Variants in TOR1AIP1 observed in about 807,000 individuals in gnomAD.
TOR1AIP1 encodes torsin-1A-interacting protein 1.
A neutral mutation model predicts 63.3 loss-of-function variants in TOR1AIP1; 54 were observed. That is an observed-to-expected ratio of 0.85 (90% CI 0.69 to 1.07). The LOEUF (loss-of-function observed/expected upper bound fraction) is 1.07, where lower values mean the gene tolerates loss of function less well. Among genes scored for constraint, TOR1AIP1 ranks in the 50% least tolerant of loss-of-function variants. The pLI is 0.00. For missense variants in TOR1AIP1, 736 were observed against 715.0 expected, an observed-to-expected ratio of 1.03 and a Z score of -0.33; for synonymous variants, 294 against 273.5, an observed-to-expected ratio of 1.07 and a Z score of -0.74.
At position 179,882,858 on chromosome 1, in the gene TOR1AIP1, C is replaced by A; in HGVS notation, c.356C>A (p.Thr119Asn). ...CGGAGGCAGCCGCGACCCCAGGAAACCGAGGAAATGAAGACGCGAAGGACT... is the reference window on the plus strand; with the variant it reads ...CGGAGGCAGCCGCGACCCCAGGAAAACGAGGAAATGAAGACGCGAAGGACT... Reference protein sequence around the residue: ...RQRRQPRPQETEEMKTRRTTR... With the variant: ...RQRRQPRPQENEEMKTRRTTR... The change falls in exon 1 of 10, where the codon ACC becomes AAC. Residue 119 changes from threonine (T) to asparagine (N), a missense_variant. Thr to Asn is a moderately conservative substitution (Grantham distance 65). Around this residue, in one of 2 missense-constraint regions of TOR1AIP1, gnomAD observed 464 missense variants for 371.0 expected, o/e 1.25. Coordinates refer to ENST00000606911, the MANE Select transcript of TOR1AIP1 (RefSeq NM_015602.4). 1 of 1,614,220 alleles carries A rather than the reference C, an allele frequency of 6.2e-7. No homozygotes were observed. The highest frequency in any genetic ancestry group is 8.5e-7 in the Non-Finnish European group (1 of 1,180,030).
intron 3 of TOR1AIP1, among the ~76,000 whole-genome samples, chr1:179,899,332 C>G (rs1396607904): frequency 6.6e-6 from 1 of 150,618 alleles, no homozygotes; most frequent in South Asian, 2.1e-4. Context: ...ATGTGTTTTG[C>G]TTGTTTATTT....
At chr1:179,912,745 T>A (rs1290044475) in intron 8 of TOR1AIP1, among the ~76,000 whole-genome samples, 1 of 152,224 alleles carries the variant, frequency 6.6e-6, no homozygotes, top group East Asian at 1.9e-4. Context: ...GTATTCCTCT[T>A]ACAGTTGCTG....
chr1:179,883,102 C>A, intron 1 of TOR1AIP1, 125 bp downstream of exon 1: 1 of 889,398 alleles, frequency 1.1e-6, no homozygotes, highest in Admixed American at 2.6e-5. Flanking sequence ...GGGTATTCCT[C>A]AGCCCCCTCT....
chr1:179,907,635 A>G (rs1210105112), intron 6 of TOR1AIP1, among the ~76,000 whole-genome samples, 188 bp from the exon 7 acceptor site: 2 of 132,586 alleles, frequency 1.5e-5, no homozygotes, highest in African/African-American at 2.7e-5. Context: ...ATATGTATAT[A>G]TATAGTATAT....
intron 6 of TOR1AIP1, among the ~76,000 whole-genome samples, chr1:179,905,042 A>T (rs756685733): frequency 1.4e-4 from 21 of 152,318 alleles, no homozygotes; most frequent in South Asian, 4.1e-4. Flanking sequence ...AATCTTCAAG[A>T]ACTTTTTTTT....
In TOR1AIP1 at chr1:179,900,112, CT is replaced by C; in HGVS notation, c.611-8del. 6.3e-7 allele frequency: 1 copy of C among 1,599,306 alleles called. No individual in the cohort carries two copies. On this transcript the variant is annotated splice_polypyrimidine_tract_variant and intron_variant, in intron 3 of 9. Coordinates refer to ENST00000606911, the MANE Select transcript of TOR1AIP1 (RefSeq NM_015602.4). ...TTATATGTTTAATATTTGATGTATG[CT>C]TTTTTCTTCTAGAAGCCACCAGTGT... is the stretch of plus-strand genomic sequence containing the variant.
At chr1:179,903,373 T>C (rs889540871) in intron 5 of TOR1AIP1, among the ~76,000 whole-genome samples, 2 of 152,238 alleles carry the variant, frequency 1.3e-5, no homozygotes, top group Non-Finnish European at 2.9e-5. Flanking sequence ...TCCACTGTTG[T>C]AAACTTTGAA....
intron 3 of TOR1AIP1, among the ~76,000 whole-genome samples, chr1:179,889,736 T>C (rs1235061633): frequency 1.3e-5 from 2 of 151,830 alleles, no homozygotes; most frequent in Non-Finnish European, 2.9e-5. Flanking sequence ...CTGACTGCAG[T>C]CTCAATCTCT....
chr1:179,907,599 A>ATATATATATATATATATG (rs1648683308), intron 6 of TOR1AIP1, among the ~76,000 whole-genome samples: 1 of 21,900 alleles, frequency 4.6e-5, no homozygotes, highest in Non-Finnish European at 1.1e-4. Flanking sequence ...CACTTTATAT[A>ATATATATATATATATATG]TATATATATA....
intron 5 of TOR1AIP1, among the ~76,000 whole-genome samples, chr1:179,902,054 C>G (rs2148477376): frequency 8.1e-6 from 1 of 123,442 alleles, no homozygotes; most frequent in African/African-American, 3.1e-5. Context: ...AAGGCAGAGT[C>G]TCACTCTGTC....
At chr1:179,891,514 C>A (rs9726605) in intron 3 of TOR1AIP1, among the ~76,000 whole-genome samples, 18,977 of 152,056 alleles carry the variant, frequency 0.12, 1,226 homozygotes, top group Middle Eastern at 0.2. Flanking sequence ...TGAGCCACCA[C>A]GCCCGGCCTT....
In TOR1AIP1 at chr1:179,884,683, GT is replaced by G; in HGVS notation, c.476-3del. Reference sequence around the variant, plus strand: ...CTGAATTTTAACTCTTGTTATGTCTGTTTTTTAGAGGATGAAGCATCTTCCC... The same window carrying G: ...CTGAATTTTAACTCTTGTTATGTCTGTTTTTAGAGGATGAAGCATCTTCCC... On this transcript the variant is annotated splice_region_variant and splice_polypyrimidine_tract_variant and intron_variant, in intron 1 of 9. Coordinates refer to ENST00000606911, the MANE Select transcript of TOR1AIP1 (RefSeq NM_015602.4). The G allele has an allele frequency of 6.2e-7, 1 of 1,602,486 alleles. No individual in the cohort carries two copies. Among genetic ancestry groups the G allele is most frequent in the African/African-American group, 1.3e-5 (1 of 74,318 alleles).
intron 3 of TOR1AIP1, among the ~76,000 whole-genome samples, chr1:179,896,631 C>T (rs1033212069): frequency 1.3e-5 from 2 of 151,670 alleles, no homozygotes; most frequent in Non-Finnish European, 2.9e-5. Flanking sequence ...GAGGTTGAGG[C>T]GGTTTTATGA....
rs755843526 is a variant in TOR1AIP1, at chr1:179,918,160, A to T, written c.1673A>T (p.Asn558Ile). ...AATCATATGGACCCAGACAAACTGA[A>T]TGGCCTCTGGAGCCGTATTTCTCAC... ...SYNHMDPDKL[N>I]GLWSRISHLV... The change falls in exon 10 of 10, where the codon AAT becomes ATT. Residue 558 changes from asparagine (N) to isoleucine (I), a missense_variant. Transcript: ENST00000606911. The T allele has an allele frequency of 6.2e-7, 1 of 1,613,258 alleles. No homozygotes were observed. The highest frequency in any genetic ancestry group is 8.5e-7 in the Non-Finnish European group (1 of 1,180,034).
intron 3 of TOR1AIP1, among the ~76,000 whole-genome samples, chr1:179,896,207 T>A (rs979524971): frequency 6.6e-6 from 1 of 152,212 alleles, no homozygotes; most frequent in African/African-American, 2.4e-5. Context: ...TGAGAAATAT[T>A]AGCAAAAATC....
intron 9 of TOR1AIP1, among the ~76,000 whole-genome samples, chr1:179,916,469 T>C (rs538606485): frequency 1.7e-4 from 26 of 152,308 alleles, no homozygotes; most frequent in African/African-American, 6.3e-4. Flanking sequence ...TTATTGTTAC[T>C]ATCAACTGAA....
rs1035282388 is a variant in TOR1AIP1 at position 179,918,135 on chromosome 1, A to C, written c.1648A>C (p.Asn550His). 6.2e-7 allele frequency: 1 copy of C among 1,613,738 alleles called. No individual in the cohort carries two copies. Among genetic ancestry groups the C allele is most frequent in the African/African-American group, 1.3e-5 (1 of 74,946 alleles). Residue 550 changes from asparagine (N) to histidine (H), a missense_variant, in exon 10 of 10, where the codon AAT (asparagine) becomes CAT (histidine). This residue lies in a region of TOR1AIP1 where 272 missense variants were observed against 344.1 expected (regional missense o/e 0.79). Transcript: ENST00000606911. ...FTNSNTPNSY[N>H]HMDPDKLNGL... ...CAATTCTAACACACCCAACTCCTAC[A>C]ATCATATGGACCCAGACAAACTGAA...
intron 1 of TOR1AIP1, 131 bp downstream of exon 1, chr1:179,883,108 C>G: frequency 2.4e-6 from 2 of 850,788 alleles, no homozygotes; most frequent in Admixed American, 2.8e-5. Flanking sequence ...TCCTCAGCCC[C>G]CTCTGGACTT....
chr1:179,907,939 C>T (rs1196958024), intron 7 of TOR1AIP1, 75 bp downstream of exon 7: 19 of 496,814 alleles, frequency 3.8e-5, no homozygotes, highest in Middle Eastern at 8.6e-4. Flanking sequence ...TTTTTTGAGA[C>T]GATGTCTTGC....
Sources: allele counts gnomAD v4.1 joint callset (sites outside exome capture counted in the v4.1 genomes callset), GRCh38; gene constraint gnomAD v4.1.1; regional missense constraint gnomAD v4.1.1; transcripts MANE v1.5; gene names NCBI Gene and HGNC (gene_info 2026-07-23, HGNC 2026-07-21).